The following TEK variants were observed in gnomAD, a reference collection of about 807,000 sequenced individuals.
The protein encoded by TEK is angiopoietin-1 receptor.
TEK carries 43 observed loss-of-function variants against 131.8 expected under a neutral mutation model. The observed-to-expected ratio is 0.33, with a 90% CI of 0.26 to 0.42. TEK has a LOEUF of 0.42. Among genes scored for constraint, TEK ranks in the 10% least tolerant of loss-of-function variants. The pLI is 1.00. For synonymous variants in TEK, 580 were observed against 491.6 expected, an observed-to-expected ratio of 1.18 and a Z score of -2.38; for missense variants, 1,162 against 1,384.4, an observed-to-expected ratio of 0.84 and a Z score of 2.55.
intron 21 of TEK, among the ~76,000 whole-genome samples, chr9:27,225,609 C>T (rs529432527): frequency 3.2e-4 from 49 of 151,682 alleles, no homozygotes; most frequent in South Asian, 1.0e-3. Flanking sequence ...TAAAGACAAA[C>T]GTAAAATCTA....
intron 1 of TEK, among the ~76,000 whole-genome samples, chr9:27,139,933 A>T (rs16911088): frequency 2.6e-5 from 4 of 152,160 alleles, no homozygotes; most frequent in Non-Finnish European, 4.4e-5. Flanking sequence ...TGGGCCGCCT[A>T]TGTTCCCCCT....
At chr9:27,222,681 C>G (rs1826133832) in intron 21 of TEK, among the ~76,000 whole-genome samples, 1 of 152,098 alleles carries the variant, frequency 6.6e-6, no homozygotes, top group African/African-American at 2.4e-5. Flanking sequence ...TTGTCACCAC[C>G]AGGCATACCT....
intron 1 of TEK, among the ~76,000 whole-genome samples, chr9:27,113,386 C>T (rs1034599115): frequency 1.3e-5 from 2 of 152,050 alleles, no homozygotes; most frequent in African/African-American, 4.8e-5. Context: ...GTCAAGAGAT[C>T]AAGACCATCC....
In TEK at chr9:27,229,226, G is replaced by C. The variant is rs544322437; in HGVS notation, c.3369G>C (p.Ala1123=). 24 of 1,613,720 alleles carry C rather than the reference G, an allele frequency of 1.5e-5. No individual in the cohort carries two copies. The highest frequency in any genetic ancestry group is 2.0e-5 in the Non-Finnish European group (24 of 1,179,682). Reference sequence around the variant, plus strand: ...GAATTGACTGTTCTGCTGAAGAAGCGGCCTAGGACAGAACATCTGTATACC... The same window carrying C: ...GAATTGACTGTTCTGCTGAAGAAGCCGCCTAGGACAGAACATCTGTATACC... ...YAGIDCSAEE[A]A Residue 1123 remains alanine (A), a synonymous_variant, in exon 23 of 23, where the codon GCG becomes GCC. Coordinates refer to ENST00000380036, the MANE Select transcript of TEK (RefSeq NM_000459.5).
chr9:27,185,715 C>A, intron 9 of TEK, 86 bp downstream of exon 9: 1 of 1,537,768 alleles, frequency 6.5e-7, no homozygotes, highest in Non-Finnish European at 8.9e-7. Context: ...TGTATGCGAC[C>A]ACTAAAATAC....
intron 1 of TEK, among the ~76,000 whole-genome samples, chr9:27,157,435 A>C (rs544938067): frequency 3.4e-4 from 52 of 152,338 alleles, no homozygotes; most frequent in African/African-American, 9.6e-4. Context: ...AGAATACTTT[A>C]TTATTGTGAC....
At chr9:27,176,222 A>G (rs1484286375) in intron 6 of TEK, among the ~76,000 whole-genome samples, 1 of 152,188 alleles carries the variant, frequency 6.6e-6, no homozygotes, top group East Asian at 1.9e-4. Flanking sequence ...GGCAAGTTTT[A>G]TGTATCAGGG....
At chr9:27,204,800 G>C in intron 13 of TEK, 111 bp from the exon 14 acceptor site, 2 of 1,450,980 alleles carry the variant, frequency 1.4e-6, no homozygotes, top group Non-Finnish European at 1.9e-6. Flanking sequence ...AGGTGGCAGG[G>C]TTAAGGCTGC....
At position 27,187,946 on chromosome 9, in the gene TEK, C is replaced by T. The variant is rs575137207; in HGVS notation, c.1327+2317C>T. 5.3e-5 allele frequency among the ~76,000 whole-genome samples: 8 copies of T among 152,268 alleles called. No homozygotes were observed. In the East Asian group the frequency reaches 7.7e-4, roughly 15 times the overall value. ...AAGGCCTTATGTCCAGATACGGTTA[C>T]ATCCTGAGGTACTAGGGGTTAAGAC... On this transcript the variant is annotated intron_variant, in intron 9 of 22. Transcript: ENST00000380036.
chr9:27,220,987 G>A lies in TEK; in HGVS notation c.3200+842G>A, dbSNP rs192790280. 1.6e-4 allele frequency among the ~76,000 whole-genome samples: 25 copies of A among 152,316 alleles called. No homozygotes were observed. In the East Asian group the frequency reaches 4.6e-3, roughly 28 times the overall value. ...CCAGGGAGCCAAGTGGTCTAGCTCA[G>A]TGGAGCCCATCAAGCTAAGATCCAC... On this transcript the variant is annotated intron_variant, in intron 21 of 22. Transcript: ENST00000380036.
chr9:27,217,113 A>G (rs1460510098), intron 18 of TEK, among the ~76,000 whole-genome samples: 1 of 152,212 alleles, frequency 6.6e-6, no homozygotes, highest in Non-Finnish European at 1.5e-5. Context: ...CAAACCCAAC[A>G]TAAACTACAC....
chr9:27,212,496 A>G (rs1043713513), intron 16 of TEK, among the ~76,000 whole-genome samples: 1 of 152,084 alleles, frequency 6.6e-6, no homozygotes, highest in African/African-American at 2.4e-5. Context: ...GGTGGGAAGG[A>G]GCAAAACCAA....
At chr9:27,216,929 A>T (rs145552989) in intron 18 of TEK, among the ~76,000 whole-genome samples, 1 of 152,334 alleles carries the variant, frequency 6.6e-6, no homozygotes, top group South Asian at 2.1e-4. Context: ...ATGAGTAGAT[A>T]GGAAGGGAGC....
At chr9:27,130,247 T>C (rs1420066779) in intron 1 of TEK, among the ~76,000 whole-genome samples, 1 of 152,176 alleles carries the variant, frequency 6.6e-6, no homozygotes, top group East Asian at 1.9e-4. Flanking sequence ...CTTGAGTTTA[T>C]ATAAAATTTA....
At chr9:27,114,012 C>G (rs543087845) in intron 1 of TEK, among the ~76,000 whole-genome samples, 7 of 152,232 alleles carry the variant, frequency 4.6e-5, no homozygotes, top group African/African-American at 1.7e-4. Context: ...AACTCTTCCT[C>G]CTGATGTTCT....
chr9:27,162,615 G>C (rs1350174893), intron 2 of TEK, among the ~76,000 whole-genome samples: 2 of 152,136 alleles, frequency 1.3e-5, no homozygotes, highest in Non-Finnish European at 2.9e-5. Context: ...TTAGAGAAGA[G>C]CCATTTGCAC....
intron 9 of TEK, among the ~76,000 whole-genome samples, chr9:27,185,970 A>C (rs1824584444): frequency 6.6e-6 from 1 of 152,198 alleles, no homozygotes; most frequent in African/African-American, 2.4e-5. Flanking sequence ...AAACACATAC[A>C]ATACTTGGAG....
At chr9:27,162,862 C>T (rs577548001) in intron 2 of TEK, among the ~76,000 whole-genome samples, 6 of 152,144 alleles carry the variant, frequency 3.9e-5, no homozygotes, top group Admixed American at 2.0e-4. Context: ...ACTACAGGTG[C>T]GCACCACCAT....
intron 6 of TEK, among the ~76,000 whole-genome samples, chr9:27,174,396 A>G (rs1479326179): frequency 6.6e-6 from 1 of 152,220 alleles, no homozygotes; most frequent in Admixed American, 6.5e-5. Context: ...AAAATTTTCT[A>G]GTGTCCACAT....
Sources: gnomAD v4.1 joint callset for allele counts (sites outside exome capture counted in the v4.1 genomes callset) on GRCh38, gnomAD v4.1.1 for gene constraint, MANE v1.5 for transcripts, NCBI Gene and HGNC (gene_info 2026-07-23, HGNC 2026-07-21) for gene names.